Variants in SUFU observed in about 807,000 individuals in gnomAD.
SUFU encodes suppressor of fused homolog.
Under a neutral mutation model 58.9 loss-of-function variants are expected in SUFU, and 7 were observed. The observed-to-expected ratio is 0.12, with a 90% CI of 0.07 to 0.22. The LOEUF (loss-of-function observed/expected upper bound fraction) is 0.22. Ranked by LOEUF, SUFU falls within the 10% of genes least tolerant of loss-of-function variation. The pLI, the probability that SUFU is intolerant of heterozygous loss-of-function variation, is 1.00. For missense variants in SUFU, 451 were observed against 641.3 expected, an observed-to-expected ratio of 0.70 and a Z score of 3.20; for synonymous variants, 232 against 254.8, an observed-to-expected ratio of 0.91 and a Z score of 0.85.
chr10:102,545,934 A>C (rs1241702657), intron 2 of SUFU, among the ~76,000 whole-genome samples: 1 of 152,200 alleles, frequency 6.6e-6, no homozygotes, highest in Non-Finnish European at 1.5e-5. Context: ...TGATCGCACC[A>C]CTGCACTCCA....
intron 2 of SUFU, among the ~76,000 whole-genome samples, chr10:102,526,230 G>T (rs2135681156): frequency 6.6e-6 from 1 of 151,940 alleles, no homozygotes. Context: ...TGGGCAACAT[G>T]GGGAGACCCT....
intron 1 of SUFU, among the ~76,000 whole-genome samples, chr10:102,508,346 T>A (rs535959511): frequency 7.9e-5 from 12 of 152,276 alleles, no homozygotes; most frequent in Non-Finnish European, 1.5e-4. Context: ...CAGAGTGAGA[T>A]AATAACTGAA....
At chr10:102,520,212 C>CT (rs36020604) in intron 2 of SUFU, among the ~76,000 whole-genome samples, 4,011 of 113,014 alleles carry the variant, frequency 0.035, 293 homozygotes, top group African/African-American at 0.12. Context: ...TTTTTTCTTT[C>CT]TTTTTTTTTT....
intron 3 of SUFU, among the ~76,000 whole-genome samples, chr10:102,576,584 T>C (rs1424660447): frequency 6.6e-6 from 1 of 152,212 alleles, no homozygotes; most frequent in African/African-American, 2.4e-5. Context: ...CATGTTTTGC[T>C]CTAGGGTAGA....
intron 8 of SUFU, among the ~76,000 whole-genome samples, chr10:102,613,387 G>A (rs2135924969): frequency 6.6e-6 from 1 of 152,380 alleles, no homozygotes; most frequent in South Asian, 2.1e-4. Context: ...AAGGCCAGCA[G>A]GCAGGCACGG....
intron 2 of SUFU, among the ~76,000 whole-genome samples, chr10:102,542,426 C>T (rs1241428498): frequency 2.2e-5 from 3 of 134,312 alleles, no homozygotes; most frequent in Middle Eastern, 3.4e-3. Context: ...CCACTGCGCC[C>T]GGCCTATATA....
At chr10:102,610,406 A>AAAAAG (rs1327637475) in intron 8 of SUFU, among the ~76,000 whole-genome samples, 2 of 151,980 alleles carry the variant, frequency 1.3e-5, no homozygotes, top group African/African-American at 2.4e-5. Flanking sequence ...AAAAAAAAGA[A>AAAAAG]AAAGAGAAAA....
intron 3 of SUFU, among the ~76,000 whole-genome samples, chr10:102,564,386 G>A (rs1344108286): frequency 6.6e-6 from 1 of 152,206 alleles, no homozygotes; most frequent in Admixed American, 6.5e-5. Flanking sequence ...AAGCTGGAGT[G>A]CAGTGGTGTG....
At chr10:102,555,009 C>G (rs1002604491) in intron 3 of SUFU, among the ~76,000 whole-genome samples, 1 of 152,132 alleles carries the variant, frequency 6.6e-6, no homozygotes, top group Non-Finnish European at 1.5e-5. Context: ...TGGCTCATGC[C>G]TGTAATCCCA....
chr10:102,522,037 T>C (rs1010955391), intron 2 of SUFU, among the ~76,000 whole-genome samples: 2 of 152,250 alleles, frequency 1.3e-5, no homozygotes, highest in Non-Finnish European at 2.9e-5. Context: ...TTGCTTTGCG[T>C]GCATCTCATC....
intron 2 of SUFU, among the ~76,000 whole-genome samples, chr10:102,520,741 A>G (rs2062541861): frequency 6.6e-6 from 1 of 152,196 alleles, no homozygotes; most frequent in Non-Finnish European, 1.5e-5. Flanking sequence ...TTTGCAGACT[A>G]GCTTCTTTCA....
intron 3 of SUFU, among the ~76,000 whole-genome samples, chr10:102,589,809 T>C (rs572064051): frequency 6.6e-6 from 1 of 152,176 alleles, no homozygotes; most frequent in Non-Finnish European, 1.5e-5. Context: ...CAGTGTTGAA[T>C]AGAAGTGGTG....
chr10:102,630,871 G>C lies in SUFU; in HGVS notation c.*716G>C. On this transcript the variant is annotated 3_prime_UTR_variant, in exon 12 of 12. Transcript: ENST00000369902. ...GCCCTGGAGGAGCCGGCTGCACAGA[G>C]AGGCTTTTCTTCCCAGCTGGGCCTG... is the stretch of plus-strand genomic sequence containing the variant. 1 of 235,758 alleles carries C rather than the reference G, an allele frequency of 4.2e-6. No homozygotes were observed. Among genetic ancestry groups the C allele is most frequent in the Non-Finnish European group, 8.3e-6 (1 of 119,802 alleles). 14.6% of individuals were successfully genotyped at this position (235,758 alleles called of 1,614,324 possible). A position where few individuals can be genotyped will look rare whatever the true frequency, so the allele number is the denominator to read the frequency against.
chr10:102,507,897 C>T (rs2135614398), intron 1 of SUFU, among the ~76,000 whole-genome samples: 1 of 151,828 alleles, frequency 6.6e-6, no homozygotes, highest in South Asian at 2.1e-4. Flanking sequence ...GGGCTAAATG[C>T]AGACTTCCTT....
At position 102,615,648 on chromosome 10, in the gene SUFU, T is replaced by G. The variant is rs2298281; in HGVS notation, c.1157+246T>G. On this transcript the variant is annotated intron_variant, in intron 9 of 11. Coordinates refer to ENST00000369902, the MANE Select transcript of SUFU (RefSeq NM_016169.4). The stretch of plus-strand genomic sequence containing the variant: ...AGAGCTACTCCACATGGGGCCTGTT[T>G]AGGAGCCTGGGGACTGTGAACCAGC... 1.0e-2 allele frequency among the ~76,000 whole-genome samples: 1,521 copies of G among 152,320 alleles called. 4 individuals carry two copies. The highest frequency in any genetic ancestry group is 0.029 in the East Asian group (151 of 5,186).
rs374546035 is a variant in SUFU, at chr10:102,519,692, G to C, written c.317+10389G>C. Among the ~76,000 whole-genome samples the C allele has an allele frequency of 6.6e-5, 10 of 152,266 alleles. No individual in the cohort carries two copies. In the East Asian group the frequency reaches 1.9e-3, roughly 29 times the overall value. On this transcript the variant is annotated intron_variant, in intron 2 of 11. Transcript: ENST00000369902. ...TCAGGGATGTGCCCAGCATCTCAGTGATCCTTATATCAATGCAGATAGTCA... is the reference window on the plus strand; with the variant it reads ...TCAGGGATGTGCCCAGCATCTCAGTCATCCTTATATCAATGCAGATAGTCA...
chr10:102,553,578 C>T (rs2062943121), intron 3 of SUFU, among the ~76,000 whole-genome samples: 2 of 152,086 alleles, frequency 1.3e-5, no homozygotes, highest in African/African-American at 4.8e-5. Context: ...ATTCTCCTGC[C>T]TCAGCCTCCC....
In SUFU at chr10:102,632,811, A is replaced by G. The variant is rs369561150; in HGVS notation, c.*2656A>G. The G allele has an allele frequency of 1.7e-5, 4 of 233,156 alleles. No homozygotes were observed. Among genetic ancestry groups the G allele is most frequent in the East Asian group, 1.2e-4 (2 of 16,596 alleles). The allele number at this position is 233,156 out of a possible 1,614,324, so 14.4% of individuals were successfully genotyped here. On this transcript the variant is annotated 3_prime_UTR_variant, in exon 12 of 12. Transcript: ENST00000369902. ...CCTTTCCCTTTCCTCTTTGCCTGCT[A>G]TATAAGGCAGGCTCCTGTGGCTCTG... is the stretch of plus-strand genomic sequence containing the variant.
chr10:102,597,547 C>T (rs755283002), intron 7 of SUFU, among the ~76,000 whole-genome samples: 3 of 152,154 alleles, frequency 2.0e-5, no homozygotes, highest in Non-Finnish European at 4.4e-5. Context: ...TTAGATATGC[C>T]CTTTGCAATC....
Sources: gnomAD v4.1 joint callset for allele counts (sites outside exome capture counted in the v4.1 genomes callset) on GRCh38, gnomAD v4.1.1 for gene constraint, MANE v1.5 for transcripts, NCBI Gene and HGNC (gene_info 2026-07-23, HGNC 2026-07-21) for gene names.